Variants in SCTR observed in about 807,000 individuals in gnomAD.
SCTR encodes secretin receptor, also known as pancreatic secretin receptor.
SCTR carries 56 observed loss-of-function variants against 60.8 expected under a neutral mutation model. The observed-to-expected ratio is 0.92, with a 90% CI of 0.74 to 1.15. The LOEUF (loss-of-function observed/expected upper bound fraction) is 1.15. Among genes scored for constraint, SCTR ranks in the 50% most tolerant of loss-of-function variants. The pLI, the probability that SCTR is intolerant of heterozygous loss-of-function variation, is 0.00. For missense variants in SCTR, 562 were observed against 550.4 expected (o/e 1.02, Z -0.21); for synonymous variants, 202 against 217.0 (o/e 0.93, Z 0.61).
chr2:119,492,832 ATATT>A (rs71788049), intron 2 of SCTR, among the ~76,000 whole-genome samples: 36,174 of 145,972 alleles, frequency 0.25, 6,990 homozygotes, highest in African/African-American at 0.54. Context: ...TACTTTTTTA[ATATT>A]TATTTATTTA....
chr2:119,481,857 C>T (rs1448250668), intron 2 of SCTR, among the ~76,000 whole-genome samples: 1 of 152,242 alleles, frequency 6.6e-6, no homozygotes, highest in Non-Finnish European at 1.5e-5. Context: ...CGGGCTTTCA[C>T]CTTGACACCC....
chr2:119,507,521 G>A (rs1678779923), intron 1 of SCTR, among the ~76,000 whole-genome samples: 1 of 152,100 alleles, frequency 6.6e-6, no homozygotes, highest in Non-Finnish European at 1.5e-5. Context: ...TCACTAGTAA[G>A]GTAGGCTGGG....
At chr2:119,443,055 G>T (rs1558829884) in intron 11 of SCTR, among the ~76,000 whole-genome samples, 1 of 152,134 alleles carries the variant, frequency 6.6e-6, no homozygotes, top group Non-Finnish European at 1.5e-5. Context: ...TGTGTGCTTG[G>T]CCCAGAGCCA....
At chr2:119,514,017 T>C (rs1293154769) in intron 1 of SCTR, among the ~76,000 whole-genome samples, 1 of 152,250 alleles carries the variant, frequency 6.6e-6, no homozygotes, top group Admixed American at 6.5e-5. Flanking sequence ...TGTCTAACAG[T>C]GTCTCTGCAG....
At chr2:119,492,008 CT>C (rs1326829059) in intron 2 of SCTR, among the ~76,000 whole-genome samples, 13 of 152,340 alleles carry the variant, frequency 8.5e-5, no homozygotes, top group African/African-American at 3.1e-4. Flanking sequence ...CCTATTCCAG[CT>C]GATGAAGTAT....
intron 1 of SCTR, among the ~76,000 whole-genome samples, chr2:119,503,680 C>A (rs78807781): frequency 0.031 from 4,715 of 152,120 alleles, 242 homozygotes; most frequent in African/African-American, 0.1. Context: ...GAACGTGGGA[C>A]TTTTAGGGCA....
chr2:119,465,677 G>A (rs980639933), intron 5 of SCTR, 112 bp downstream of exon 5: 4 of 731,244 alleles, frequency 5.5e-6, no homozygotes, highest in Non-Finnish European at 7.4e-6. Context: ...ATCAAGAGAC[G>A]ACAAGGTAGT....
At chr2:119,441,751 T>A in intron 11 of SCTR, 152 bp from the exon 12 acceptor site, 1 of 688,716 alleles carries the variant, frequency 1.5e-6, no homozygotes, top group Non-Finnish European at 2.6e-6. Context: ...AGGCTACCTC[T>A]TGTGGGCTGC....
chr2:119,473,172 A>G (rs1161971616), intron 4 of SCTR, among the ~76,000 whole-genome samples: 2 of 152,234 alleles, frequency 1.3e-5, no homozygotes, highest in East Asian at 3.9e-4. Context: ...TTTCAGTTGA[A>G]TGAATACAGC....
chr2:119,454,065 CAGAGT>C (rs1683276773), intron 7 of SCTR, among the ~76,000 whole-genome samples: 2 of 152,052 alleles, frequency 1.3e-5, no homozygotes, highest in Non-Finnish European at 2.9e-5. Context: ...GAAGGAAGGG[CAGAGT>C]AGAGGAGAGA....
At chr2:119,463,235 A>G (rs1246784384) in intron 6 of SCTR, among the ~76,000 whole-genome samples, 4 of 152,164 alleles carry the variant, frequency 2.6e-5, no homozygotes, top group Non-Finnish European at 5.9e-5. Flanking sequence ...TTCCTTTGCG[A>G]TTAAGTGTGG....
At chr2:119,441,931 G>A (rs547972079) in intron 11 of SCTR, among the ~76,000 whole-genome samples, 3 of 152,174 alleles carry the variant, frequency 2.0e-5, no homozygotes, top group African/African-American at 4.8e-5. Flanking sequence ...CCTGAAGTCC[G>A]CCCACTCTGC....
chr2:119,467,031 AC>A (rs1683863632), intron 4 of SCTR, among the ~76,000 whole-genome samples: 1 of 152,134 alleles, frequency 6.6e-6, no homozygotes, highest in African/African-American at 2.4e-5. Flanking sequence ...CAGCCACTTC[AC>A]ACTATTGGCT....
chr2:119,510,291 T>TG (rs1225085016), intron 1 of SCTR, among the ~76,000 whole-genome samples: 2 of 152,016 alleles, frequency 1.3e-5, no homozygotes, highest in Non-Finnish European at 2.9e-5. Context: ...CAAGATAATG[T>TG]GGGGGGAGGG....
chr2:119,498,263 C>A (rs879415981), intron 1 of SCTR, among the ~76,000 whole-genome samples: 3 of 152,064 alleles, frequency 2.0e-5, no homozygotes, highest in Non-Finnish European at 2.9e-5. Context: ...GAATCCTATA[C>A]TCAGTAAAAA....
chr2:119,493,129 T>C (rs1429413896), intron 2 of SCTR, among the ~76,000 whole-genome samples: 1 of 152,212 alleles, frequency 6.6e-6, no homozygotes, highest in Non-Finnish European at 1.5e-5. Flanking sequence ...AGTGCTGGGA[T>C]TACAGGCGTG....
chr2:119,463,205 A>G (rs1031228563), intron 6 of SCTR, among the ~76,000 whole-genome samples: 3 of 152,206 alleles, frequency 2.0e-5, no homozygotes, highest in African/African-American at 7.2e-5. Flanking sequence ...TTGTGATAGT[A>G]AAAAACTCTA....
At chr2:119,462,108 CA>C in intron 6 of SCTR, 108 bp from the exon 7 acceptor site, 1 of 1,084,566 alleles carries the variant, frequency 9.2e-7, no homozygotes, top group East Asian at 2.6e-5. Flanking sequence ...AGCCAGGCCA[CA>C]AGAGCGGGCC....
chr2:119,448,589 G>A lies in SCTR; in HGVS notation c.1013+100C>T, dbSNP rs190043934. 3,682 of 730,364 alleles carry A rather than the reference G, an allele frequency of 5.0e-3. 21 individuals carry two copies. The highest frequency in any genetic ancestry group is 7.1e-3 in the Non-Finnish European group (2,918 of 412,150). 45.2% of individuals were successfully genotyped at this position (730,364 alleles called of 1,614,324 possible). A position where few individuals can be genotyped will look rare whatever the true frequency, so the allele number is the denominator to read the frequency against. On this transcript the variant is annotated intron_variant, in intron 10 of 12. Coordinates refer to ENST00000019103, the MANE Select transcript of SCTR (RefSeq NM_002980.3). ...AACTTCTTACGACTAGGTCTACAAC[G>A]TTTCCTCCGTCTCCAATAGCTAGCA...
Sources: gnomAD v4.1 joint callset for allele counts (sites outside exome capture counted in the v4.1 genomes callset) on GRCh38, gnomAD v4.1.1 for gene constraint, MANE v1.5 for transcripts, NCBI Gene and HGNC (gene_info 2026-07-23, HGNC 2026-07-21) for gene names.